The following ROBO2 variants were observed in gnomAD, a reference collection of about 807,000 sequenced individuals.
The protein encoded by ROBO2 is roundabout guidance receptor 2, also known as roundabout homolog 2.
ROBO2 carries 53 observed loss-of-function variants against 160.8 expected under a neutral mutation model. The observed-to-expected ratio is 0.33, with a 90% CI of 0.26 to 0.41. The LOEUF (loss-of-function observed/expected upper bound fraction) is 0.41. Among genes scored for constraint, ROBO2 ranks in the 10% least tolerant of loss-of-function variants. The pLI, the probability that ROBO2 is intolerant of heterozygous loss-of-function variation, is 1.00. For synonymous variants in ROBO2, 664 were observed against 611.7 expected, an observed-to-expected ratio of 1.09 and a Z score of -1.26; for missense variants, 1,577 against 1,722.4, an observed-to-expected ratio of 0.92 and a Z score of 1.49.
At position 77,558,127 on chromosome 3, in the gene ROBO2, C is replaced by T. The variant is rs771482673; in HGVS notation, c.1415C>T (p.Thr472Ile). The T allele has an allele frequency of 8.1e-6, 13 of 1,612,870 alleles. No individual in the cohort carries two copies. Among genetic ancestry groups the T allele is most frequent in the East Asian group, 4.5e-5 (2 of 44,842 alleles). Residue 472 changes from threonine (T) to isoleucine (I), a missense_variant, in exon 9 of 26, where the codon ACA (threonine) becomes ATA (isoleucine). Transcript: ENST00000461745. ...AGAGCAACAATTCAAGAGCAAGGCA[C>T]ACTGCAGATTAAGAATTTACGGGTA... is the stretch of plus-strand genomic sequence containing the variant.
At chr3:76,436,989 C>T (rs2076710616) in intron 2 of ROBO2, among the ~76,000 whole-genome samples, 1 of 152,138 alleles carries the variant, frequency 6.6e-6, no homozygotes, top group Admixed American at 6.6e-5. Flanking sequence ...GAAATGCTAT[C>T]ACAGTAACAT....
At chr3:75,995,542 G>A (rs2107533135) in intron 2 of ROBO2, among the ~76,000 whole-genome samples, 1 of 152,314 alleles carries the variant, frequency 6.6e-6, no homozygotes, top group East Asian at 1.9e-4. Flanking sequence ...AGCTCTCATG[G>A]AGAACTTCTG....
At chr3:76,951,968 A>G (rs1012640406) in intron 2 of ROBO2, among the ~76,000 whole-genome samples, 1 of 152,230 alleles carries the variant, frequency 6.6e-6, no homozygotes, top group Non-Finnish European at 1.5e-5. Context: ...TTTGTCTTGC[A>G]AGATGTAAAA....
At chr3:77,083,807 G>A (rs760952431) in intron 1 of ROBO2, among the ~76,000 whole-genome samples, 3 of 152,098 alleles carry the variant, frequency 2.0e-5, no homozygotes, top group East Asian at 1.9e-4. Context: ...AATATGGGAC[G>A]AGGAGAGAGG....
intron 2 of ROBO2, among the ~76,000 whole-genome samples, chr3:77,018,891 A>C (rs985154515): frequency 6.6e-6 from 1 of 152,180 alleles, no homozygotes; most frequent in Non-Finnish European, 1.5e-5. Context: ...ACTAGGAGTA[A>C]GGGTAATCTG....
chr3:76,620,359 A>T (rs2088966986), intron 2 of ROBO2, among the ~76,000 whole-genome samples: 1 of 152,216 alleles, frequency 6.6e-6, no homozygotes, highest in African/African-American at 2.4e-5. Flanking sequence ...ATTAACTTGC[A>T]TCATTTGCAT....
In ROBO2 at chr3:77,289,718, G is replaced by T. The variant is rs541660464; in HGVS notation, c.389-187696G>T. On this transcript the variant is annotated intron_variant, in intron 2 of 25. Transcript: ENST00000461745. Reference sequence around the variant, plus strand: ...CTAAAGACATAAAGTAAAATTGACGGTTAAACGGGTAAGCTGAGGCTAGAT... The same window carrying T: ...CTAAAGACATAAAGTAAAATTGACGTTTAAACGGGTAAGCTGAGGCTAGAT... 7.3e-4 allele frequency among the ~76,000 whole-genome samples: 111 copies of T among 152,014 alleles called. No individual in the cohort carries two copies. In the Middle Eastern group the frequency reaches 0.017, roughly 23 times the overall value.
At chr3:76,934,603 T>C (rs551942912) in intron 2 of ROBO2, among the ~76,000 whole-genome samples, 1 of 152,130 alleles carries the variant, frequency 6.6e-6, no homozygotes, top group South Asian at 2.1e-4. Flanking sequence ...TAGCTGGACA[T>C]GGTGGTGCAT....
chr3:77,004,980 C>G (rs2061506499), intron 2 of ROBO2, among the ~76,000 whole-genome samples: 1 of 152,082 alleles, frequency 6.6e-6, no homozygotes, highest in Non-Finnish European at 1.5e-5. Flanking sequence ...TCTCATCCCT[C>G]TTCTACACTT....
chr3:76,303,385 G>T (rs1013318347), intron 2 of ROBO2, among the ~76,000 whole-genome samples: 2 of 151,834 alleles, frequency 1.3e-5, no homozygotes, highest in Non-Finnish European at 2.9e-5. Context: ...AATGAACTAG[G>T]TGCTATATAG....
intron 2 of ROBO2, among the ~76,000 whole-genome samples, chr3:76,825,698 C>T (rs2066524073): frequency 6.7e-6 from 1 of 150,324 alleles, no homozygotes; most frequent in South Asian, 2.1e-4. Context: ...TTCCTGCGAC[C>T]ATCTCCTCAA....
At chr3:76,267,747 T>G (rs1707182694) in intron 2 of ROBO2, among the ~76,000 whole-genome samples, 1 of 152,156 alleles carries the variant, frequency 6.6e-6, no homozygotes, top group South Asian at 2.1e-4. Context: ...GTTAGAATAC[T>G]TTAATGATTC....
At chr3:76,687,942 A>G (rs1463439178) in intron 2 of ROBO2, among the ~76,000 whole-genome samples, 1 of 151,924 alleles carries the variant, frequency 6.6e-6, no homozygotes, top group Non-Finnish European at 1.5e-5. Context: ...ATGGGTTTGT[A>G]TATATTGGCT....
Position 77,174,842 on chromosome 3 carries a change from T to C in ROBO2, c.388+76502T>C, listed in dbSNP as rs1470351814. 3.3e-5 allele frequency among the ~76,000 whole-genome samples: 5 copies of C among 152,022 alleles called. No homozygotes were observed. In the South Asian group the frequency reaches 8.3e-4, roughly 25 times the overall value. ...AGATAAAAAGAAAAATTCTATAAGA[T>C]TTCATGGAGAAAAGGAATTATGTTT... On this transcript the variant is annotated intron_variant, in intron 2 of 25. Coordinates refer to ENST00000461745, the Ensembl canonical transcript of ROBO2.
intron 2 of ROBO2, among the ~76,000 whole-genome samples, chr3:76,272,974 T>TATATAAA: frequency 1.3e-5 from 1 of 74,886 alleles, no homozygotes; most frequent in Non-Finnish European, 2.5e-5. Context: ...ATATATAAAA[T>TATATAAA]ATATATAATA....
chr3:76,750,891 A>G (rs1470281206), intron 2 of ROBO2, among the ~76,000 whole-genome samples: 1 of 152,142 alleles, frequency 6.6e-6, no homozygotes, highest in Admixed American at 6.6e-5. Context: ...TATAGATTCA[A>G]TGCCATCCCC....
At chr3:77,012,502 T>C (rs1462088248) in intron 2 of ROBO2, among the ~76,000 whole-genome samples, 1 of 152,218 alleles carries the variant, frequency 6.6e-6, no homozygotes, top group African/African-American at 2.4e-5. Context: ...ATAGTATGTA[T>C]GCTTTGTTGT....
At chr3:76,834,561 C>T (rs974847355) in intron 2 of ROBO2, among the ~76,000 whole-genome samples, 7 of 151,832 alleles carry the variant, frequency 4.6e-5, no homozygotes, top group South Asian at 2.1e-4. Context: ...TTTGTAGAGA[C>T]GGGTTTCAAC....
chr3:77,292,518 G>T (rs1367097487), intron 2 of ROBO2, among the ~76,000 whole-genome samples: 1 of 151,534 alleles, frequency 6.6e-6, no homozygotes, highest in Non-Finnish European at 1.5e-5. Flanking sequence ...AAAATTGATG[G>T]TTAAATGGGT....
Sources: allele counts gnomAD v4.1 joint callset (sites outside exome capture counted in the v4.1 genomes callset), GRCh38; gene constraint gnomAD v4.1.1; transcripts MANE v1.5; gene names NCBI Gene and HGNC (gene_info 2026-07-23, HGNC 2026-07-21).